CD22: variants seen among roughly 807,000 people sequenced by gnomAD.
The protein encoded by CD22 is B-cell receptor CD22.
A neutral mutation model predicts 94.7 loss-of-function variants in CD22; 51 were observed. The observed-to-expected ratio is 0.54, with a 90% CI of 0.43 to 0.68. The LOEUF is 0.68. Ranked by LOEUF, CD22 falls within the 30% of genes least tolerant of loss-of-function variation. CD22 has a pLI of 0.00. For missense variants in CD22, 931 were observed against 1,060.4 expected, an observed-to-expected ratio of 0.88 and a Z score of 1.69; for synonymous variants, 424 against 422.5, an observed-to-expected ratio of 1.00 and a Z score of -0.04.
At chr19:35,335,852 C>G (rs916664787) in intron 3 of CD22, among the ~76,000 whole-genome samples, 184 bp from the exon 4 acceptor site, 2 of 151,984 alleles carry the variant, frequency 1.3e-5, no homozygotes, top group African/African-American at 4.8e-5. Flanking sequence ...GAAACTCCAT[C>G]TCAAAAAAAC....
At chr19:35,334,439 CAT>C (rs148645344) in intron 3 of CD22, among the ~76,000 whole-genome samples, 8,565 of 152,280 alleles carry the variant, frequency 0.056, 333 homozygotes, top group South Asian at 0.11. Context: ...ATTTTTATAA[CAT>C]AGGTTCAGTT....
At chr19:35,345,423 A>C (rs2066890246) in intron 11 of CD22, 179 bp from the exon 12 acceptor site, 1 of 272,840 alleles carries the variant, frequency 3.7e-6, no homozygotes, top group Non-Finnish European at 6.8e-6. Flanking sequence ...TCTGCCTCAA[A>C]AAAAAAAAAA....
At position 35,338,433 on chromosome 19, in the gene CD22, T is replaced by C. The variant is rs1243320742; in HGVS notation, c.1249+2T>C. ...CGGGAGCTGAGCTGGATGTCCAGTG[T>C]GAGTAGCCACGGAGCCTCTGGTTCT... On this transcript the variant is annotated splice_donor_variant, in intron 6 of 13. Transcript: ENST00000085219. LOFTEE classifies it high-confidence loss of function. 6.2e-7 allele frequency: 1 copy of C among 1,610,766 alleles called. No individual in the cohort carries two copies.
Position 35,340,973 on chromosome 19 carries a change from A to G in CD22, c.1342A>G (p.Asn448Asp). Residue 448 changes from asparagine (N) to aspartate (D), a missense_variant, in exon 7 of 14, where the codon AAC becomes GAC. Physicochemically the swap from Asn to Asp is conservative, Grantham distance 23 (BLOSUM62 1). Coordinates refer to ENST00000085219, the MANE Select transcript of CD22 (RefSeq NM_001771.4). ...VTLSCNYNSSNPSVTRYEWKP... is the reference protein window; with the variant it reads ...VTLSCNYNSSDPSVTRYEWKP... ...CCTTTCCTGTAACTACAATTCCAGT[A>G]ACCCCAGTGTTACCCGGTATGAATG... 5.6e-6 allele frequency: 9 copies of G among 1,614,218 alleles called. No homozygotes were observed. Among genetic ancestry groups the G allele is most frequent in the Non-Finnish European group, 7.6e-6 (9 of 1,180,034 alleles).
At chr19:35,339,455 G>A (rs1056224626) in intron 6 of CD22, among the ~76,000 whole-genome samples, 1 of 151,924 alleles carries the variant, frequency 6.6e-6, no homozygotes, top group Non-Finnish European at 1.5e-5. Context: ...TACCCAGGAG[G>A]CTGAGGTGGG....
intron 9 of CD22, among the ~76,000 whole-genome samples, chr19:35,342,308 T>C (rs1011438665): frequency 6.6e-6 from 1 of 152,070 alleles, no homozygotes; most frequent in Non-Finnish European, 1.5e-5. Context: ...TAGCTGGGAC[T>C]ATAGACATGC....
At position 35,345,082 on chromosome 19, in the gene CD22, C is replaced by G; in HGVS notation, c.2164C>G (p.Gln722Glu). 6.2e-7 allele frequency: 1 copy of G among 1,614,038 alleles called. No homozygotes were observed. The highest frequency in any genetic ancestry group is 8.5e-7 in the Non-Finnish European group (1 of 1,179,996). ...WKRTQSQQGL[Q>E]ENSSGQSFFV... is the part of the protein sequence containing the mutation. ...GAGGACACAGAGCCAGCAGGGGCTT[C>G]AGGAGAATTCCAGCGGCCAGAGCTT... The change falls in exon 11 of 14, where the codon CAG becomes GAG. Residue 722 changes from glutamine to glutamate, a missense_variant. Coordinates refer to ENST00000085219, the MANE Select transcript of CD22 (RefSeq NM_001771.4).
chr19:35,331,869 G>A (rs1028011912), intron 1 of CD22, 150 bp from the exon 2 acceptor site: 1 of 1,491,866 alleles, frequency 6.7e-7, no homozygotes, highest in Admixed American at 2.2e-5. Flanking sequence ...AGAACTCCGT[G>A]AGCATCCCAA....
intron 2 of CD22, 91 bp from the exon 3 acceptor site, chr19:35,332,456 T>TA: frequency 3.0e-6 from 4 of 1,337,330 alleles, no homozygotes; most frequent in Non-Finnish European, 2.0e-6. Flanking sequence ...CTAAAAAGAA[T>TA]AAAAAATTAA....
At chr19:35,338,057 G>T in intron 5 of CD22, 36 bp downstream of exon 5, 1 of 1,586,746 alleles carries the variant, frequency 6.3e-7, no homozygotes, top group Non-Finnish European at 8.6e-7. Context: ...GCCAGGCAGG[G>T]AGGTAGCAGG....
intron 3 of CD22, among the ~76,000 whole-genome samples, chr19:35,335,700 G>A (rs2267580): frequency 0.43 from 64,848 of 151,480 alleles, 14,345 homozygotes; most frequent in East Asian, 0.72. Context: ...TAGAAATACA[G>A]AAAAATTAGC....
chr19:35,345,716 A>T lies in CD22; in HGVS notation c.2323A>T (p.Thr775Ser), dbSNP rs752332513. 1 of 1,598,864 alleles carries T rather than the reference A, an allele frequency of 6.3e-7. No homozygotes were observed. The change falls in exon 12 of 14, where the codon ACT becomes TCT. Residue 775 changes from threonine (T) to serine (S), a missense_variant. Thr to Ser is a moderately conservative substitution (Grantham distance 58, BLOSUM62 1). Coordinates refer to ENST00000085219, the MANE Select transcript of CD22 (RefSeq NM_001771.4). ...CTTTCCCGAGATGAACATACCACGA[A>T]CTGGGTACTGAGGGTACCAGGAGGG... The part of the protein sequence containing the change: ...LRFPEMNIPR[T>S]GDAESSEMQR...
chr19:35,340,134 C>T (rs2066785821), intron 6 of CD22, among the ~76,000 whole-genome samples: 1 of 152,202 alleles, frequency 6.6e-6, no homozygotes, highest in Non-Finnish European at 1.5e-5. Context: ...GCATCTCAGA[C>T]AGCTGGATGC....
intron 9 of CD22, among the ~76,000 whole-genome samples, chr19:35,343,024 T>C (rs1265298930): frequency 6.6e-6 from 1 of 151,744 alleles, no homozygotes; most frequent in African/African-American, 2.4e-5. Context: ...GGTCTCAGTC[T>C]CCTGACCTCG....
rs2066621832 is a variant in CD22 at position 35,329,910 on chromosome 19, A to G, written c.-23+680A>G. The G allele has an allele frequency of 2.0e-5, 3 of 153,442 alleles. No homozygotes were observed. In the South Asian group the frequency reaches 6.2e-4, roughly 31 times the overall value. 9.5% of individuals were successfully genotyped at this position (153,442 alleles called of 1,614,324 possible). The stretch of plus-strand genomic sequence containing the variant: ...CTGCTAAGTTTTTTATGGAACATGT[A>G]AAATAGATCCCATGGCCAAAGAAGT... On this transcript the variant is annotated intron_variant, in intron 1 of 13. Transcript: ENST00000085219.
At chr19:35,333,581 G>T (rs1470646762) in intron 3 of CD22, among the ~76,000 whole-genome samples, 1 of 151,686 alleles carries the variant, frequency 6.6e-6, no homozygotes, top group Admixed American at 6.6e-5. Context: ...ATGAGACAGG[G>T]TCTCGCACTG....
intron 6 of CD22, among the ~76,000 whole-genome samples, chr19:35,339,258 T>C (rs2066771077): frequency 6.7e-6 from 1 of 150,180 alleles, no homozygotes; most frequent in African/African-American, 2.5e-5. Flanking sequence ...AAGAAAATGC[T>C]GGGACTGGGA....
chr19:35,340,965 A>G lies in CD22; in HGVS notation c.1334A>G (p.Asn445Ser), dbSNP rs1487908902. The G allele has an allele frequency of 1.9e-6, 3 of 1,614,102 alleles. No homozygotes were observed. Among genetic ancestry groups the G allele is most frequent in the African/African-American group, 2.7e-5 (2 of 74,938 alleles). Residue 445 changes from asparagine (N) to serine (S), a missense_variant, in exon 7 of 14, where the codon AAT becomes AGT. Coordinates refer to ENST00000085219, the MANE Select transcript of CD22 (RefSeq NM_001771.4). ...ACAGTGACCCTTTCCTGTAACTACA[A>G]TTCCAGTAACCCCAGTGTTACCCGG... ...GDTVTLSCNY[N>S]SSNPSVTRYE...
chr19:35,336,617 T>C (rs1376643493), intron 4 of CD22: 5 of 478,518 alleles, frequency 1.0e-5, no homozygotes, highest in Non-Finnish European at 1.9e-5. Flanking sequence ...TTTCGCATCA[T>C]TATCTTGTGC....
Sources: allele counts gnomAD v4.1 joint callset (sites outside exome capture counted in the v4.1 genomes callset), GRCh38; gene constraint gnomAD v4.1.1; transcripts MANE v1.5; gene names NCBI Gene and HGNC (gene_info 2026-07-23, HGNC 2026-07-21).